NSMCE1: variants seen among roughly 807,000 people sequenced by gnomAD.
The protein encoded by NSMCE1 is non-structural maintenance of chromosomes element 1 homolog.
Under a neutral mutation model 29.6 loss-of-function variants are expected in NSMCE1, and 18 were observed. The ratio of observed to expected loss-of-function variants is 0.61; its 90% CI spans 0.42 to 0.90. The LOEUF (loss-of-function observed/expected upper bound fraction) is 0.90, where lower values mean the gene tolerates loss of function less well. Ranked by LOEUF, NSMCE1 falls within the 40% of genes least tolerant of loss-of-function variation. The probability of loss-of-function intolerance (pLI) is 0.00; values close to 1 mark genes in which losing one functional copy is unlikely to be tolerated. For synonymous variants in NSMCE1, 124 were observed against 133.4 expected (o/e 0.93, Z 0.49); for missense variants, 314 against 343.6 (o/e 0.91, Z 0.68).
intron 4 of NSMCE1, chr16:27,233,856 G>C (rs1305559655): frequency 2.0e-5 from 6 of 306,386 alleles, no homozygotes; most frequent in Non-Finnish European, 1.2e-5. Context: ...GCTCCCAGGC[G>C]ATGCTGCTGC....
At chr16:27,236,579 G>A (rs558406397) in intron 2 of NSMCE1, among the ~76,000 whole-genome samples, 1 of 152,208 alleles carries the variant, frequency 6.6e-6, no homozygotes, top group Non-Finnish European at 1.5e-5. Context: ...TTATAGGCGT[G>A]AGCCACCACG....
intron 1 of NSMCE1, among the ~76,000 whole-genome samples, chr16:27,262,985 A>G (rs1247875888): frequency 1.3e-5 from 2 of 152,236 alleles, no homozygotes; most frequent in Admixed American, 1.3e-4. Flanking sequence ...GCAAATCAAA[A>G]CCACAATGAG....
At chr16:27,264,090 G>A (rs979228499) in intron 1 of NSMCE1, among the ~76,000 whole-genome samples, 26 of 152,322 alleles carry the variant, frequency 1.7e-4, no homozygotes, top group South Asian at 6.2e-4. Context: ...TTTGCTGGGC[G>A]CGATGGCTCA....
chr16:27,246,359 A>T (rs1012844291), intron 2 of NSMCE1, among the ~76,000 whole-genome samples: 1 of 152,266 alleles, frequency 6.6e-6, no homozygotes, highest in African/African-American at 2.4e-5. Flanking sequence ...ATTAAACATG[A>T]TAATACAGTG....
rs1424577244 is a variant in NSMCE1 at position 27,233,051 on chromosome 16, C to T, written c.433G>A (p.Glu145Lys). ...QLKGKKMRKK[E>K]AEQVLQKFVQ... ...AACTTCTGCAGCACCTGCTCCGCTT[C>T]CTTCTTCCTCATCTTCTTGCCTTTA... Residue 145 changes from glutamate (E) to lysine (K), a missense_variant, in exon 5 of 8, where the codon GAA (glutamate) becomes AAA (lysine). Transcript: ENST00000361439. 1.2e-6 allele frequency: 2 copies of T among 1,614,220 alleles called. No individual in the cohort carries two copies. Among genetic ancestry groups the T allele is most frequent in the East Asian group, 2.2e-5 (1 of 44,882 alleles).
Position 27,226,473 on chromosome 16 carries a change from AAAGT to A in NSMCE1, c.600+243_600+246del, listed in dbSNP as rs2140983669. 3 of 472,664 alleles carry A rather than the reference AAAGT, an allele frequency of 6.3e-6. 1 individual carries two copies. The highest frequency in any genetic ancestry group is 1.1e-5 in the Non-Finnish European group (3 of 264,556). The allele number at this position is 472,664 out of a possible 1,614,324, so 29.3% of individuals were successfully genotyped here. A position where few individuals can be genotyped will look rare whatever the true frequency, so the allele number is the denominator to read the frequency against. On this transcript the variant is annotated intron_variant, in intron 6 of 7. Transcript: ENST00000361439. The stretch of plus-strand genomic sequence containing the variant: ...AACACTCAGCCTTCCTGAGAAAAAT[AAAGT>A]AAGCGAGGGCCCTTGGACCCCAACA...
chr16:27,234,116 A>T, intron 4 of NSMCE1, 72 bp downstream of exon 4: 1 of 974,230 alleles, frequency 1.0e-6, no homozygotes, highest in Non-Finnish European at 1.7e-6. Context: ...TGCAGTTGCC[A>T]CTGCTAATGA....
At chr16:27,247,537 C>T (rs2083970291) in intron 2 of NSMCE1, among the ~76,000 whole-genome samples, 2 of 152,200 alleles carry the variant, frequency 1.3e-5, no homozygotes, top group African/African-American at 4.8e-5. Flanking sequence ...ATCCCTCTCA[C>T]CTACCCATCC....
chr16:27,255,249 T>C (rs780174311), intron 2 of NSMCE1, among the ~76,000 whole-genome samples: 1 of 152,006 alleles, frequency 6.6e-6, no homozygotes, highest in Non-Finnish European at 1.5e-5. Flanking sequence ...AATACAAAAG[T>C]CTCTCACCAA....
intron 1 of NSMCE1, among the ~76,000 whole-genome samples, chr16:27,264,159 T>C (rs757539571): frequency 5.3e-5 from 8 of 151,680 alleles, no homozygotes; most frequent in Non-Finnish European, 1.2e-4. Context: ...AGCCCAAGAG[T>C]TCAACACCAG....
At chr16:27,242,154 T>C (rs924115915) in intron 2 of NSMCE1, among the ~76,000 whole-genome samples, 7 of 152,196 alleles carry the variant, frequency 4.6e-5, no homozygotes, top group Non-Finnish European at 7.3e-5. Flanking sequence ...TGTTTGACTT[T>C]TTCCATAATA....
chr16:27,258,324 T>G (rs1383531101), intron 1 of NSMCE1, among the ~76,000 whole-genome samples: 1 of 152,244 alleles, frequency 6.6e-6, no homozygotes, highest in Non-Finnish European at 1.5e-5. Context: ...GAGCACGCAG[T>G]GCAGGGGCTA....
intron 2 of NSMCE1, among the ~76,000 whole-genome samples, chr16:27,245,658 C>T (rs1235663834): frequency 2.0e-5 from 3 of 152,218 alleles, no homozygotes; most frequent in Admixed American, 1.3e-4. Flanking sequence ...TGTCTAAGCA[C>T]TTAATAACTG....
chr16:27,260,026 G>T (rs993911395), intron 1 of NSMCE1, among the ~76,000 whole-genome samples: 1 of 152,138 alleles, frequency 6.6e-6, no homozygotes, highest in African/African-American at 2.4e-5. Context: ...AAAGCATATA[G>T]TTCAGGAAGA....
At chr16:27,262,822 G>A (rs11863220) in intron 1 of NSMCE1, among the ~76,000 whole-genome samples, 2 of 151,936 alleles carry the variant, frequency 1.3e-5, no homozygotes, top group East Asian at 1.9e-4. Flanking sequence ...CAGAATGGGA[G>A]AAAATATTTG....
chr16:27,241,968 A>C (rs1255385801), intron 2 of NSMCE1: 9 of 359,230 alleles, frequency 2.5e-5, no homozygotes, highest in Non-Finnish European at 5.1e-5. Flanking sequence ...TCACGAAAGG[A>C]TGTGGGCATT....
At chr16:27,230,420 A>T (rs984297166) in intron 5 of NSMCE1, among the ~76,000 whole-genome samples, 1 of 152,124 alleles carries the variant, frequency 6.6e-6, no homozygotes, top group Non-Finnish European at 1.5e-5. Context: ...TGGGTAAGTG[A>T]GCACCCGCCC....
chr16:27,237,220 CAT>C (rs1220050534), intron 2 of NSMCE1, among the ~76,000 whole-genome samples: 2 of 152,230 alleles, frequency 1.3e-5, no homozygotes, highest in African/African-American at 2.4e-5. Context: ...GAGATCGTAA[CAT>C]ATGACAATGA....
chr16:27,237,788 C>T (rs1302161390), intron 2 of NSMCE1, among the ~76,000 whole-genome samples: 4 of 152,194 alleles, frequency 2.6e-5, no homozygotes, highest in Non-Finnish European at 4.4e-5. Context: ...CCTCTCTGCC[C>T]TTCCCCTCTC....
Sources: gnomAD v4.1 joint callset for allele counts (sites outside exome capture counted in the v4.1 genomes callset) on GRCh38, gnomAD v4.1.1 for gene constraint, MANE v1.5 for transcripts, NCBI Gene and HGNC (gene_info 2026-07-23, HGNC 2026-07-21) for gene names.